SERPINB13: variants seen among roughly 807,000 people sequenced by gnomAD.
SERPINB13 encodes serpin family B member 13, also known as serpin B13.
Under a neutral mutation model 31.2 loss-of-function variants are expected in SERPINB13, and 26 were observed. The observed-to-expected ratio is 0.83, with a 90% confidence interval of 0.61 to 1.15. SERPINB13 has a LOEUF of 1.15. Among genes scored for constraint, SERPINB13 ranks in the 50% most tolerant of loss-of-function variants. The pLI is 0.00. For synonymous variants in SERPINB13, 191 were observed against 172.4 expected (o/e 1.11, Z -0.85); for missense variants, 510 against 469.4 (o/e 1.09, Z -0.80).
At chr18:63,591,389 C>CTCCT (rs1231618173) in intron 3 of SERPINB13, among the ~76,000 whole-genome samples, 1 of 119,250 alleles carries the variant, frequency 8.4e-6, no homozygotes, top group African/African-American at 2.7e-5. Context: ...CCTTCCTTCC[C>CTCCT]TCCTTCCTTC....
intron 2 of SERPINB13, among the ~76,000 whole-genome samples, chr18:63,589,250 A>C (rs1449616399): frequency 6.6e-6 from 1 of 152,104 alleles, no homozygotes; most frequent in Non-Finnish European, 1.5e-5. Flanking sequence ...TGAACTCCTG[A>C]CCTCAGGTGA....
At chr18:63,588,487 G>A (rs921487143) in intron 1 of SERPINB13, among the ~76,000 whole-genome samples, 164 bp from the exon 2 acceptor site, 1 of 152,182 alleles carries the variant, frequency 6.6e-6, no homozygotes, top group Non-Finnish European at 1.5e-5. Flanking sequence ...AGCAAGAGAA[G>A]GCCAAGAGAG....
rs577063790 is a variant in SERPINB13, at chr18:63,594,363, A to G, written c.481A>G (p.Lys161Glu). 1 of 1,613,686 alleles carries G rather than the reference A, an allele frequency of 6.2e-7. No individual in the cohort carries two copies. The highest frequency in any genetic ancestry group is 1.1e-5 in the South Asian group (1 of 90,988). Residue 161 changes from lysine (K) to glutamate (E), a missense_variant, in exon 6 of 8, where the codon AAG (lysine) becomes GAG (glutamate). Physicochemically the swap from Lys to Glu is moderately conservative, Grantham distance 56. Transcript: ENST00000344731. ...WVESKTNEKI[K>E]DLFPDGSISS... ...TGTTTCTTCATTTGCAGAAAAAATCAAGGACTTGTTCCCAGATGGCTCTAT... is the reference window on the plus strand; with the variant it reads ...TGTTTCTTCATTTGCAGAAAAAATCGAGGACTTGTTCCCAGATGGCTCTAT...
intron 1 of SERPINB13, among the ~76,000 whole-genome samples, chr18:63,587,960 T>C (rs1379589951): frequency 6.6e-6 from 1 of 152,166 alleles, no homozygotes; most frequent in Non-Finnish European, 1.5e-5. Context: ...CCTAAAACAA[T>C]ACAGAAAAGT....
intron 7 of SERPINB13, among the ~76,000 whole-genome samples, chr18:63,595,980 G>A (rs1455490763): frequency 1.3e-5 from 2 of 152,006 alleles, no homozygotes; most frequent in African/African-American, 4.8e-5. Context: ...TTTTGAAAAT[G>A]AGGAGAGTTT....
In SERPINB13 at chr18:63,595,058, A is replaced by G. The variant is rs770156496; in HGVS notation, c.645A>G (p.Thr215=). ...KSTSKSVQMM[T]QSHSFSFTFL... ...CAAGTAAATCTGTACAGATGATGAC[A>G]CAGAGCCATTCCTTTAGCTTCACTT... The change falls in exon 7 of 8, where the codon ACA becomes ACG. Residue 215 remains threonine (T), a synonymous_variant. Coordinates refer to ENST00000344731, the MANE Select transcript of SERPINB13 (RefSeq NM_012397.4). 6.2e-7 allele frequency: 1 copy of G among 1,613,982 alleles called. No individual in the cohort carries two copies. The highest frequency in any genetic ancestry group is 8.5e-7 in the Non-Finnish European group (1 of 1,179,932).
Position 63,596,963 on chromosome 18 carries a change from T to C in SERPINB13, c.776T>C (p.Ile259Thr), listed in dbSNP as rs1912205182. Residue 259 changes from isoleucine (I) to threonine (T), a missense_variant, in exon 8 of 8, where the codon ATA becomes ACA. Coordinates refer to ENST00000344731, the MANE Select transcript of SERPINB13 (RefSeq NM_012397.4). ...CTCTTCTTTTTTTGAAAATAGATAA[T>C]AGATAAAATAAGTCCTGAGAAATTG... Reference protein sequence around the residue: ...PNDIDGLEKIIDKISPEKLVE... With the variant: ...PNDIDGLEKITDKISPEKLVE... The C allele has an allele frequency of 1.3e-6, 2 of 1,596,448 alleles. No homozygotes were observed. Among genetic ancestry groups the C allele is most frequent in the Non-Finnish European group, 1.7e-6 (2 of 1,170,694 alleles).
intron 5 of SERPINB13, among the ~76,000 whole-genome samples, 200 bp downstream of exon 5, chr18:63,593,171 G>T (rs1911958268): frequency 6.6e-6 from 1 of 152,178 alleles, no homozygotes; most frequent in Admixed American, 6.5e-5. Flanking sequence ...TAGGAGGTAG[G>T]GAAGGCACTG....
Position 63,597,099 on chromosome 18 carries a change from G to A in SERPINB13, c.912G>A (p.Gly304=). 2 of 1,614,220 alleles carry A rather than the reference G, an allele frequency of 1.2e-6. No homozygotes were observed. The highest frequency in any genetic ancestry group is 1.7e-6 in the Non-Finnish European group (2 of 1,180,036). Residue 304 remains glycine, a synonymous_variant, in exon 8 of 8, where the codon GGG becomes GGA. Coordinates refer to ENST00000344731, the MANE Select transcript of SERPINB13 (RefSeq NM_012397.4). ...YDLEAVLAAM[G]MGDAFSEHKA... is the part of the protein sequence containing the mutation. Reference sequence around the variant, plus strand: ...TAGAGGCGGTCCTGGCTGCCATGGGGATGGGCGATGCCTTCAGTGAGCACA... The same window carrying A: ...TAGAGGCGGTCCTGGCTGCCATGGGAATGGGCGATGCCTTCAGTGAGCACA...
chr18:63,590,465 C>A (rs936896444), intron 3 of SERPINB13, among the ~76,000 whole-genome samples: 5 of 152,200 alleles, frequency 3.3e-5, no homozygotes, highest in African/African-American at 1.2e-4. Context: ...GCTCATTTCA[C>A]AACCCCAAAA....
intron 3 of SERPINB13, among the ~76,000 whole-genome samples, chr18:63,590,177 G>T (rs1001053583): frequency 1.3e-5 from 2 of 152,128 alleles, no homozygotes; most frequent in African/African-American, 2.4e-5. Flanking sequence ...TGATATTATT[G>T]CTAAACTCCA....
intron 6 of SERPINB13, 110 bp downstream of exon 6, chr18:63,594,607 A>G: frequency 3.4e-6 from 4 of 1,166,998 alleles, no homozygotes; most frequent in Non-Finnish European, 4.9e-6. Flanking sequence ...TTGGGAGGCC[A>G]AGGTGGGTGG....
At chr18:63,587,625 A>G (rs1911589319) in intron 1 of SERPINB13, among the ~76,000 whole-genome samples, 175 bp downstream of exon 1, 2 of 152,238 alleles carry the variant, frequency 1.3e-5, no homozygotes, top group African/African-American at 4.8e-5. Context: ...AATCCATTTT[A>G]TTTCTGAGTT....
intron 1 of SERPINB13, among the ~76,000 whole-genome samples, chr18:63,588,155 A>G (rs1281275620): frequency 2.6e-5 from 4 of 152,204 alleles, no homozygotes; most frequent in Non-Finnish European, 4.4e-5. Flanking sequence ...AGTATCAGAT[A>G]AGGATTCAAG....
intron 5 of SERPINB13, among the ~76,000 whole-genome samples, chr18:63,593,276 A>C (rs4940591): frequency 0.77 from 117,451 of 152,060 alleles, 45,407 homozygotes; most frequent in East Asian, 0.89. Context: ...CTTGCTGGAG[A>C]ACTGTTTACA....
At chr18:63,592,605 G>A in intron 4 of SERPINB13, 129 bp downstream of exon 4, 1 of 972,560 alleles carries the variant, frequency 1.0e-6, no homozygotes, top group Non-Finnish European at 1.5e-6. Context: ...TTTCCATCCT[G>A]ATCTACAGAT....
Position 63,592,456 on chromosome 18 carries a change from A to G in SERPINB13, c.334A>G (p.Lys112Glu). Residue 112 changes from lysine to glutamate, a missense_variant, in exon 4 of 8, where the codon AAA becomes GAA. Transcript: ENST00000344731. ...LNITNRLFGE[K>E]TYLFLQKYLD... is the part of the protein sequence containing the mutation. ...CATAACCAACAGGCTGTTTGGAGAA[A>G]AAACATACCTCTTCCTTCAAGTAAG... 1 of 1,613,554 alleles carries G rather than the reference A, an allele frequency of 6.2e-7. No homozygotes were observed. The highest frequency in any genetic ancestry group is 8.5e-7 in the Non-Finnish European group (1 of 1,179,814).
intron 2 of SERPINB13, 52 bp from the exon 3 acceptor site, chr18:63,589,604 G>A (rs1471057568): frequency 6.3e-6 from 10 of 1,595,596 alleles, no homozygotes; most frequent in Non-Finnish European, 8.5e-6. Context: ...CTGATTCTGT[G>A]TGAGGTTTTC....
In SERPINB13 at chr18:63,594,426, T is replaced by G; in HGVS notation, c.544T>G (p.Tyr182Asp). ...CAAGCTGGTGCTGGTGAACATGGTT[T>G]ATTTTAAAGGGCAATGGGACAGGGA... ...STKLVLVNMV[Y>D]FKGQWDREFK... Residue 182 changes from tyrosine to aspartate, a missense_variant, in exon 6 of 8, where the codon TAT (tyrosine) becomes GAT (aspartate). By Grantham distance (160) the Tyr-to-Asp change is radical. Transcript: ENST00000344731. The G allele has an allele frequency of 6.2e-7, 1 of 1,614,222 alleles. No individual in the cohort carries two copies.
Sources: allele counts gnomAD v4.1 joint callset (sites outside exome capture counted in the v4.1 genomes callset), GRCh38; gene constraint gnomAD v4.1.1; transcripts MANE v1.5; gene names NCBI Gene and HGNC (gene_info 2026-07-23, HGNC 2026-07-21).